PSMD1: variants seen among roughly 807,000 people sequenced by gnomAD.
PSMD1 encodes the protein proteasome 26S subunit, non-ATPase 1, also known as 26S proteasome non-ATPase regulatory subunit 1.
A neutral mutation model predicts 119.0 loss-of-function variants in PSMD1; 18 were observed. The observed-to-expected ratio is 0.15, with a 90% CI of 0.10 to 0.22. The LOEUF is 0.22. Among genes scored for constraint, PSMD1 ranks in the 10% least tolerant of loss-of-function variants. PSMD1 has a pLI of 1.00. For missense variants in PSMD1, 702 were observed against 1,158.5 expected (o/e 0.61, Z 5.72); for synonymous variants, 374 against 396.6 (o/e 0.94, Z 0.68).
chr2:231,134,523 T>G (rs1695926148), intron 16 of PSMD1, among the ~76,000 whole-genome samples: 1 of 152,220 alleles, frequency 6.6e-6, no homozygotes, highest in South Asian at 2.1e-4. Context: ...TTAAGAAAGA[T>G]AGAGAGGGTT....
rs1221714490 is a variant in PSMD1, at chr2:231,126,403, C to T, written c.1884-12333C>T. The stretch of plus-strand genomic sequence containing the variant: ...GCAGTGAGCTGAGATCACACCACTG[C>T]GCTCCAGCTTGGGGTGACAGAATGA... On this transcript the variant is annotated intron_variant, in intron 16 of 24. Transcript: ENST00000308696. 4.6e-5 allele frequency among the ~76,000 whole-genome samples: 7 copies of T among 151,790 alleles called. No individual in the cohort carries two copies. The East Asian group carries it at 5.8e-4, about 13-fold the overall frequency.
chr2:231,093,315 A>T (rs1006781087), intron 16 of PSMD1, among the ~76,000 whole-genome samples: 1 of 152,202 alleles, frequency 6.6e-6, no homozygotes, highest in East Asian at 1.9e-4. Flanking sequence ...GGAACAAATT[A>T]TGTGGAGTGA....
In PSMD1 at chr2:231,077,048, G is replaced by A; in HGVS notation, c.957G>A (p.Lys319=). 6.2e-7 allele frequency: 1 copy of A among 1,603,380 alleles called. No individual in the cohort carries two copies. The highest frequency in any genetic ancestry group is 8.5e-7 in the Non-Finnish European group (1 of 1,176,578). The change falls in exon 9 of 25, where the codon AAG becomes AAA. Residue 319 remains lysine, a synonymous_variant. Coordinates refer to ENST00000308696, the MANE Select transcript of PSMD1 (RefSeq NM_002807.4). ...TGTTTTGGCAGAGTCCAGAGCCTAAGGACCAGACTTTGAAAATGATTAAAA... is the reference window on the plus strand; with the variant it reads ...TGTTTTGGCAGAGTCCAGAGCCTAAAGACCAGACTTTGAAAATGATTAAAA... The part of the protein sequence containing the change: ...GKTPEASPEP[K]DQTLKMIKIL...
intron 16 of PSMD1, among the ~76,000 whole-genome samples, chr2:231,128,686 T>C (rs111294957): frequency 6.6e-6 from 1 of 152,216 alleles, no homozygotes; most frequent in African/African-American, 2.4e-5. Flanking sequence ...ATGAAGTCTG[T>C]GTTGCTTCCT....
At chr2:231,138,540 T>C (rs879127766) in intron 16 of PSMD1, among the ~76,000 whole-genome samples, 196 bp from the exon 17 acceptor site, 4 of 152,254 alleles carry the variant, frequency 2.6e-5, no homozygotes, top group Admixed American at 2.0e-4. Context: ...TCTGTACATA[T>C]ATTCTCTGAA....
chr2:231,108,262 CT>C (rs1327583521), intron 16 of PSMD1: 2 of 367,094 alleles, frequency 5.4e-6, no homozygotes, highest in Non-Finnish European at 9.8e-6. Context: ...ATTGATTTGA[CT>C]TTATTTCATT....
chr2:231,123,580 A>G (rs1209878971), intron 16 of PSMD1: 1 of 1,614,130 alleles, frequency 6.2e-7, no homozygotes, highest in Middle Eastern at 1.6e-4. Context: ...TATCACCATG[A>G]GTATCAGAAG....
At chr2:231,074,861 C>A (rs1694123456) in intron 7 of PSMD1, among the ~76,000 whole-genome samples, 1 of 152,134 alleles carries the variant, frequency 6.6e-6, no homozygotes, top group African/African-American at 2.4e-5. Context: ...TGTTTCCTTT[C>A]TCCATTGCCC....
At chr2:231,108,325 T>C in intron 16 of PSMD1, 1 of 549,142 alleles carries the variant, frequency 1.8e-6, no homozygotes, top group East Asian at 3.0e-5. Context: ...TTTGTAGCTA[T>C]ATAAAATTAT....
At chr2:231,084,623 G>A (rs967765637) in intron 14 of PSMD1, among the ~76,000 whole-genome samples, 3 of 152,162 alleles carry the variant, frequency 2.0e-5, no homozygotes, top group Non-Finnish European at 4.4e-5. Flanking sequence ...CAGTTACCAG[G>A]CTCCATCTTT....
chr2:231,076,099 C>G (rs749227822), intron 8 of PSMD1, among the ~76,000 whole-genome samples: 11 of 152,192 alleles, frequency 7.2e-5, no homozygotes, highest in Admixed American at 3.3e-4. Flanking sequence ...GAAATCAAAT[C>G]CTTAGATCCT....
intron 16 of PSMD1, among the ~76,000 whole-genome samples, chr2:231,092,953 G>A (rs997851674): frequency 6.6e-6 from 1 of 152,182 alleles, no homozygotes; most frequent in Admixed American, 6.5e-5. Context: ...CACAGTGGGA[G>A]GATAGTGGAG....
chr2:231,094,774 T>A, intron 16 of PSMD1, among the ~76,000 whole-genome samples: 1 of 152,198 alleles, frequency 6.6e-6, no homozygotes, highest in East Asian at 1.9e-4. Flanking sequence ...GAATTAAGTT[T>A]GTCAGCAGGA....
chr2:231,118,585 TTTTG>T (rs967988804), intron 16 of PSMD1, among the ~76,000 whole-genome samples: 1 of 152,172 alleles, frequency 6.6e-6, no homozygotes, highest in African/African-American at 2.4e-5. Context: ...TTGGGTATTT[TTTTG>T]TTTGTTTTTG....
At chr2:231,065,484 A>G (rs1470941633) in intron 4 of PSMD1, among the ~76,000 whole-genome samples, 5 of 145,510 alleles carry the variant, frequency 3.4e-5, no homozygotes, top group Non-Finnish European at 7.5e-5. Flanking sequence ...TATTTTTAGT[A>G]GAGACGGGGT....
At chr2:231,077,365 G>A (rs950657720) in intron 9 of PSMD1, among the ~76,000 whole-genome samples, 65 of 152,122 alleles carry the variant, frequency 4.3e-4, no homozygotes, top group Admixed American at 2.9e-3. Flanking sequence ...TTGAGCTCTT[G>A]TTTTTATGCT....
intron 18 of PSMD1, among the ~76,000 whole-genome samples, chr2:231,148,202 G>A (rs1696291820): frequency 1.3e-5 from 2 of 151,968 alleles, no homozygotes; most frequent in African/African-American, 2.4e-5. Flanking sequence ...TTCTGCTTTT[G>A]ATCTTCAACT....
intron 17 of PSMD1, among the ~76,000 whole-genome samples, chr2:231,142,948 T>G (rs900148389): frequency 6.6e-6 from 1 of 152,166 alleles, no homozygotes; most frequent in Non-Finnish European, 1.5e-5. Context: ...CCAAAGTCAC[T>G]TTCCAACAAA....
intron 18 of PSMD1, among the ~76,000 whole-genome samples, chr2:231,148,306 C>A (rs1395581164): frequency 6.6e-6 from 1 of 152,194 alleles, no homozygotes; most frequent in Non-Finnish European, 1.5e-5. Flanking sequence ...CATAGACATT[C>A]ACTTTGACCC....
Sources: gnomAD v4.1 joint callset for allele counts (sites outside exome capture counted in the v4.1 genomes callset) on GRCh38, gnomAD v4.1.1 for gene constraint, MANE v1.5 for transcripts, NCBI Gene and HGNC (gene_info 2026-07-23, HGNC 2026-07-21) for gene names.